The following KIAA1958 variants were observed in gnomAD, a reference collection of about 807,000 sequenced individuals.
KIAA1958 encodes the protein uncharacterized protein KIAA1958.
In KIAA1958, 14 loss-of-function variants were observed where a neutral mutation model predicts 47.2. The observed-to-expected ratio is 0.30, with a 90% CI of 0.20 to 0.46. The LOEUF (loss-of-function observed/expected upper bound fraction) is 0.46. Ranked by LOEUF, KIAA1958 falls within the 20% of genes least tolerant of loss-of-function variation. The pLI is 1.00. For synonymous variants in KIAA1958, 354 were observed against 353.3 expected, an observed-to-expected ratio of 1.00 and a Z score of -0.02; for missense variants, 803 against 909.2, an observed-to-expected ratio of 0.88 and a Z score of 1.50.
chr9:112,616,348 CAAT>C (rs531017287), intron 2 of KIAA1958, among the ~76,000 whole-genome samples: 15 of 152,110 alleles, frequency 9.9e-5, no homozygotes, highest in Non-Finnish European at 1.9e-4. Flanking sequence ...TGGATTTTGG[CAAT>C]AATGCCCCAT....
chr9:112,543,499 CA>C (rs1214141592), intron 1 of KIAA1958, among the ~76,000 whole-genome samples: 7 of 150,204 alleles, frequency 4.7e-5, no homozygotes, highest in Admixed American at 1.3e-4. Context: ...GAGGTTTGTA[CA>C]AAGGAATTTG....
chr9:112,580,812 A>G (rs994329920), intron 2 of KIAA1958, among the ~76,000 whole-genome samples: 11 of 151,990 alleles, frequency 7.2e-5, no homozygotes, highest in Admixed American at 2.6e-4. Flanking sequence ...AAAGAAAGAA[A>G]CAAGACTAAA....
At chr9:112,566,238 A>C (rs1835425994) in intron 1 of KIAA1958, among the ~76,000 whole-genome samples, 1 of 152,050 alleles carries the variant, frequency 6.6e-6, no homozygotes, top group African/African-American at 2.4e-5. Context: ...AATATTAATA[A>C]AATTAAATGT....
At chr9:112,580,204 T>G (rs1306966595) in intron 2 of KIAA1958, among the ~76,000 whole-genome samples, 2 of 152,176 alleles carry the variant, frequency 1.3e-5, no homozygotes, top group African/African-American at 4.8e-5. Context: ...AAGAACATTC[T>G]AGGTATGATT....
At chr9:112,494,481 C>T (rs958120398) in intron 1 of KIAA1958, among the ~76,000 whole-genome samples, 7 of 150,312 alleles carry the variant, frequency 4.7e-5, no homozygotes, top group Admixed American at 4.6e-4. Flanking sequence ...TGGTATCTAT[C>T]GCTTTTTTTT....
chr9:112,577,983 A>G (rs1835678739), intron 2 of KIAA1958, among the ~76,000 whole-genome samples: 1 of 152,052 alleles, frequency 6.6e-6, no homozygotes, highest in Non-Finnish European at 1.5e-5. Context: ...TTTAAGAAAA[A>G]CACTATGAAG....
intron 1 of KIAA1958, among the ~76,000 whole-genome samples, chr9:112,538,455 A>G (rs1466554178): frequency 6.6e-6 from 1 of 152,232 alleles, no homozygotes; most frequent in Non-Finnish European, 1.5e-5. Context: ...AGTAGGTGAA[A>G]ATAAAGCAGA....
chr9:112,557,080 T>C (rs1439712988), intron 1 of KIAA1958, among the ~76,000 whole-genome samples: 1 of 151,908 alleles, frequency 6.6e-6, no homozygotes, highest in East Asian at 1.9e-4. Context: ...CACCTCACCC[T>C]CCCGAGTAGC....
intron 1 of KIAA1958, among the ~76,000 whole-genome samples, chr9:112,517,910 C>T (rs1161150100): frequency 6.6e-6 from 1 of 152,172 alleles, no homozygotes; most frequent in African/African-American, 2.4e-5. Flanking sequence ...AAAGTCTGAC[C>T]AGGTGTTGGC....
At position 112,618,309 on chromosome 9, in the gene KIAA1958, A is replaced by G. The variant is rs1361078354; in HGVS notation, c.1172-27341A>G. On this transcript the variant is annotated intron_variant, in intron 2 of 3. Coordinates refer to ENST00000337530, the MANE Select transcript of KIAA1958 (RefSeq NM_133465.4). The surrounding 1 kb of genome is among the most constrained non-coding windows in gnomAD (Gnocchi z 7.1). Reference sequence around the variant, plus strand: ...CGGAAAAGGGGACTGCTAAGCCGATATAACCCCGAGGGTTTGCTCAACCTA... The same window carrying G: ...CGGAAAAGGGGACTGCTAAGCCGATGTAACCCCGAGGGTTTGCTCAACCTA... The G allele has an allele frequency of 1.3e-6, 2 of 1,551,158 alleles. No homozygotes were observed. Among genetic ancestry groups the G allele is most frequent in the South Asian group, 2.4e-5 (2 of 84,062 alleles).
rs985177987 is a variant in KIAA1958 at position 112,641,611 on chromosome 9, C to T, written c.1172-4039C>T. 2.0e-5 allele frequency among the ~76,000 whole-genome samples: 3 copies of T among 151,902 alleles called. No individual in the cohort carries two copies. In the East Asian group the frequency reaches 5.8e-4, roughly 29 times the overall value. On this transcript the variant is annotated intron_variant, in intron 2 of 3. Transcript: ENST00000337530. ...GGAACTTTTCTTATATTATTTGTTT[C>T]ATCCTTACACGTTTTTCCTTTGAAT...
intron 1 of KIAA1958, among the ~76,000 whole-genome samples, chr9:112,541,193 T>C (rs1834934549): frequency 6.6e-6 from 1 of 152,218 alleles, no homozygotes; most frequent in Non-Finnish European, 1.5e-5. Context: ...TGAATGATGA[T>C]GGGAGTAAGC....
Position 112,613,890 on chromosome 9 carries a change from C to G in KIAA1958, c.1172-31760C>G, listed in dbSNP as rs891027673. On this transcript the variant is annotated intron_variant, in intron 2 of 3. Coordinates refer to ENST00000337530, the MANE Select transcript of KIAA1958 (RefSeq NM_133465.4). ...GGCTGAATGCATGATTTCCTGTGACCCAGCAATTCCACTCCTACGTATATA... is the reference window on the plus strand; with the variant it reads ...GGCTGAATGCATGATTTCCTGTGACGCAGCAATTCCACTCCTACGTATATA... 2.7e-4 allele frequency among the ~76,000 whole-genome samples: 41 copies of G among 152,024 alleles called. 1 individual carries two copies. The highest frequency in any genetic ancestry group is 2.7e-3 in the Admixed American group (41 of 15,268).
In KIAA1958 at chr9:112,663,058, C is replaced by G. The variant is rs1225973255; in HGVS notation, c.*2989C>G. ...CTTACCTTTGGGTTTTTTATGCTCC[C>G]AAGTAGAAATAAATATCAAGAATTC... On this transcript the variant is annotated 3_prime_UTR_variant, in exon 4 of 4. Coordinates refer to ENST00000337530, the MANE Select transcript of KIAA1958 (RefSeq NM_133465.4). The G allele has an allele frequency of 6.6e-6, 1 of 152,254 alleles. No individual in the cohort carries two copies. Among genetic ancestry groups the G allele is most frequent in the African/African-American group, 2.4e-5 (1 of 41,532 alleles). The allele number at this position is 152,254 out of a possible 1,614,324, so 9.4% of individuals were successfully genotyped here. A position where few individuals can be genotyped will look rare whatever the true frequency, so the allele number is the denominator to read the frequency against.
intron 1 of KIAA1958, among the ~76,000 whole-genome samples, chr9:112,551,064 G>T (rs1835135446): frequency 6.7e-6 from 1 of 150,184 alleles, no homozygotes; most frequent in Non-Finnish European, 1.5e-5. Flanking sequence ...AGTTAGGGAG[G>T]TTATAGTTTT....
chr9:112,538,672 A>G (rs1019248083), intron 1 of KIAA1958, among the ~76,000 whole-genome samples: 4 of 152,310 alleles, frequency 2.6e-5, no homozygotes, highest in Admixed American at 2.6e-4. Context: ...AACTATTAGT[A>G]ATATAAGGTG....
intron 2 of KIAA1958, among the ~76,000 whole-genome samples, chr9:112,598,453 A>G (rs1836069265): frequency 6.6e-6 from 1 of 152,220 alleles, no homozygotes; most frequent in African/African-American, 2.4e-5. Flanking sequence ...GAATCCAGAA[A>G]GCTCATACAC....
intron 2 of KIAA1958, among the ~76,000 whole-genome samples, chr9:112,609,479 G>C (rs1270180564): frequency 6.6e-6 from 1 of 152,150 alleles, no homozygotes; most frequent in Non-Finnish European, 1.5e-5. Flanking sequence ...ACTAGAAAAG[G>C]ATGTAAGGAA....
chr9:112,555,529 C>T (rs1340618741), intron 1 of KIAA1958, among the ~76,000 whole-genome samples: 2 of 152,156 alleles, frequency 1.3e-5, no homozygotes, highest in Admixed American at 6.5e-5. Context: ...ATTTATTTCT[C>T]ATATCTCTAG....
Sources: gnomAD v4.1 joint callset for allele counts (sites outside exome capture counted in the v4.1 genomes callset) on GRCh38, gnomAD v4.1.1 for gene constraint, Gnocchi (gnomAD v3.1) non-coding constraint, MANE v1.5 for transcripts, NCBI Gene and HGNC (gene_info 2026-07-23, HGNC 2026-07-21) for gene names.